Variants in MEGF9 observed in about 807,000 individuals in gnomAD.
The protein encoded by MEGF9 is multiple epidermal growth factor-like domains protein 9.
MEGF9 carries 6 observed loss-of-function variants against 46.8 expected under a neutral mutation model. The ratio of observed to expected loss-of-function variants is 0.13; its 90% CI spans 0.07 to 0.25. MEGF9 has a LOEUF of 0.25. Ranked by LOEUF, MEGF9 falls within the 10% of genes least tolerant of loss-of-function variation. The pLI is 1.00. For synonymous variants in MEGF9, 302 were observed against 330.7 expected (o/e 0.91, Z 0.94); for missense variants, 683 against 792.4 (o/e 0.86, Z 1.66).
intron 2 of MEGF9, among the ~76,000 whole-genome samples, chr9:120,655,802 T>G (rs1019557798): frequency 2.7e-4 from 41 of 152,228 alleles, no homozygotes; most frequent in African/African-American, 9.4e-4. Context: ...AGGTTAACAG[T>G]GGCTACAAGT....
chr9:120,614,877 C>T (rs967287795), intron 3 of MEGF9, among the ~76,000 whole-genome samples: 1 of 151,534 alleles, frequency 6.6e-6, no homozygotes, highest in Non-Finnish European at 1.5e-5. Flanking sequence ...TTGTGCATAG[C>T]TGATGTGACA....
chr9:120,629,299 G>A (rs1587978071), intron 2 of MEGF9, among the ~76,000 whole-genome samples: 2 of 151,934 alleles, frequency 1.3e-5, no homozygotes, highest in Admixed American at 6.6e-5. Flanking sequence ...TGATTAATCT[G>A]AACAACAGAG....
chr9:120,654,260 C>A (rs904657694), intron 2 of MEGF9, among the ~76,000 whole-genome samples: 1 of 151,890 alleles, frequency 6.6e-6, no homozygotes, highest in Non-Finnish European at 1.5e-5. Context: ...CATGTGTTAC[C>A]TCATTAAAAA....
intron 2 of MEGF9, among the ~76,000 whole-genome samples, chr9:120,636,923 G>A (rs945370927): frequency 2.0e-5 from 3 of 152,178 alleles, no homozygotes; most frequent in Admixed American, 1.3e-4. Context: ...CCGCCACCCC[G>A]TCTGGGAGGT....
intron 3 of MEGF9, among the ~76,000 whole-genome samples, chr9:120,615,344 CCTACAGGG>C (rs2043467680): frequency 6.7e-6 from 1 of 150,054 alleles, no homozygotes; most frequent in South Asian, 2.1e-4. Context: ...ATCCTTTACT[CCTACAGGG>C]CTACTGGGCT....
At chr9:120,672,582 C>T (rs1385332375) in intron 1 of MEGF9, among the ~76,000 whole-genome samples, 4 of 152,308 alleles carry the variant, frequency 2.6e-5, no homozygotes, top group East Asian at 1.9e-4. Context: ...GATCACACCA[C>T]TCTACTCCAG....
At chr9:120,624,877 A>C (rs2132305224) in intron 2 of MEGF9, among the ~76,000 whole-genome samples, 1 of 152,022 alleles carries the variant, frequency 6.6e-6, no homozygotes, top group Non-Finnish European at 1.5e-5. Flanking sequence ...CGTCTCAAAA[A>C]AAAAAAAAAA....
intron 3 of MEGF9, among the ~76,000 whole-genome samples, chr9:120,621,032 G>A (rs1178355206): frequency 6.6e-6 from 1 of 151,730 alleles, no homozygotes; most frequent in East Asian, 1.9e-4. Context: ...TTGCTTGTTT[G>A]TTTGGGAAAA....
intron 2 of MEGF9, among the ~76,000 whole-genome samples, chr9:120,634,641 T>C (rs2043566268): frequency 6.6e-6 from 1 of 152,050 alleles, no homozygotes; most frequent in African/African-American, 2.4e-5. Context: ...CAATTTCTTG[T>C]AGGCAGCATA....
chr9:120,681,402 G>C (rs747950988), intron 1 of MEGF9, among the ~76,000 whole-genome samples: 54 of 152,128 alleles, frequency 3.5e-4, no homozygotes, highest in Non-Finnish European at 4.3e-4. Flanking sequence ...TTGTATCCAA[G>C]ATGCAAGACA....
At chr9:120,630,783 GTA>G (rs1474213193) in intron 2 of MEGF9, among the ~76,000 whole-genome samples, 1 of 152,082 alleles carries the variant, frequency 6.6e-6, no homozygotes, top group African/African-American at 2.4e-5. Flanking sequence ...CTTTTCATTT[GTA>G]TGTTTTTGTT....
chr9:120,640,800 T>C (rs1219834654), intron 2 of MEGF9, among the ~76,000 whole-genome samples: 1 of 152,200 alleles, frequency 6.6e-6, no homozygotes, highest in Non-Finnish European at 1.5e-5. Flanking sequence ...GGTGTATGAA[T>C]GATCCCATCA....
chr9:120,704,952 G>A (rs568950217), intron 1 of MEGF9, among the ~76,000 whole-genome samples: 1 of 152,090 alleles, frequency 6.6e-6, no homozygotes, highest in Non-Finnish European at 1.5e-5. Context: ...TCATAAATAG[G>A]AAAATAAATT....
At chr9:120,607,442 A>G (rs981224973) in intron 5 of MEGF9, among the ~76,000 whole-genome samples, 1 of 152,224 alleles carries the variant, frequency 6.6e-6, no homozygotes, top group African/African-American at 2.4e-5. Context: ...GAAGCAAAGA[A>G]TAAAAGAAAT....
chr9:120,700,793 G>A (rs186630645), intron 1 of MEGF9, among the ~76,000 whole-genome samples: 6 of 151,998 alleles, frequency 3.9e-5, no homozygotes, highest in South Asian at 2.1e-4. Flanking sequence ...TTTAAAGACC[G>A]TTTCCAGGCC....
intron 1 of MEGF9, among the ~76,000 whole-genome samples, chr9:120,693,761 T>C (rs940716352): frequency 2.2e-4 from 34 of 152,226 alleles, no homozygotes; most frequent in African/African-American, 8.0e-4. Flanking sequence ...GACCAACTTG[T>C]GTTTCATGTT....
intron 2 of MEGF9, among the ~76,000 whole-genome samples, chr9:120,625,467 G>A (rs376338097): frequency 1.8e-4 from 28 of 152,238 alleles, no homozygotes; most frequent in Admixed American, 5.9e-4. Context: ...TGAGCTGAGT[G>A]TGCCATGATC....
chr9:120,679,749 C>T (rs138963344), intron 1 of MEGF9, among the ~76,000 whole-genome samples: 2,277 of 152,028 alleles, frequency 0.015, 57 homozygotes, highest in African/African-American at 0.052. Context: ...ACCAGCCTGG[C>T]CAACATAGTG....
intron 1 of MEGF9, among the ~76,000 whole-genome samples, chr9:120,700,849 G>A (rs992420032): frequency 2.0e-5 from 3 of 152,024 alleles, no homozygotes; most frequent in Non-Finnish European, 2.9e-5. Context: ...GGGAGGCTGA[G>A]GTGGGCAGAT....
Sources: gnomAD v4.1 joint callset for allele counts (sites outside exome capture counted in the v4.1 genomes callset) on GRCh38, gnomAD v4.1.1 for gene constraint, MANE v1.5 for transcripts, NCBI Gene and HGNC (gene_info 2026-07-23, HGNC 2026-07-21) for gene names.